RGS6: variants seen among roughly 807,000 people sequenced by gnomAD.
RGS6 encodes the protein regulator of G-protein signaling 6.
RGS6 carries 30 observed loss-of-function variants against 78.5 expected under a neutral mutation model. The ratio of observed to expected loss-of-function variants is 0.38; its 90% CI spans 0.29 to 0.52. RGS6 has a LOEUF of 0.52. RGS6 is among the 20% of genes least tolerant of loss of function. The probability of loss-of-function intolerance (pLI) is 0.85; values close to 1 mark genes in which losing one functional copy is unlikely to be tolerated. For missense variants in RGS6, 495 were observed against 609.7 expected, an observed-to-expected ratio of 0.81 and a Z score of 1.98; for synonymous variants, 206 against 206.0, an observed-to-expected ratio of 1.00 and a Z score of 0.00.
At chr14:72,017,828 T>C (rs1332341339) in intron 2 of RGS6, among the ~76,000 whole-genome samples, 2 of 152,138 alleles carry the variant, frequency 1.3e-5, no homozygotes, top group Non-Finnish European at 2.9e-5. Flanking sequence ...ATGTGCAGGT[T>C]TGTTATATAG....
At chr14:71,963,954 C>T (rs888380399) in intron 1 of RGS6, among the ~76,000 whole-genome samples, 6 of 151,808 alleles carry the variant, frequency 4.0e-5, no homozygotes, top group African/African-American at 1.5e-4. Flanking sequence ...TCAGCAGTGA[C>T]TGTGTCATTT....
chr14:72,254,705 C>G (rs147737212), intron 2 of RGS6, among the ~76,000 whole-genome samples: 1 of 152,160 alleles, frequency 6.6e-6, no homozygotes, highest in Non-Finnish European at 1.5e-5. Context: ...ATCACAGAAG[C>G]AGCAATCCCT....
rs144948001 is a variant in RGS6 at position 72,472,474 on chromosome 14, G to A, written c.537-398G>A. Among the ~76,000 whole-genome samples the A allele has an allele frequency of 3.4e-4, 52 of 152,346 alleles. 1 individual carries two copies. The East Asian group carries it at 7.7e-3, about 23-fold the overall frequency. On this transcript the variant is annotated intron_variant, in intron 8 of 17. Transcript: ENST00000553525. ...TTGAACATGGAACACTGGCAAGATG[G>A]TGGTTACATTCCATCTTATAATTTG...
chr14:71,921,530 A>G, the RGS6 span, among the ~76,000 whole-genome samples: 2 of 152,246 alleles, frequency 1.3e-5, no homozygotes, highest in Non-Finnish European at 2.9e-5. Flanking sequence ...GCCCTAACAA[A>G]GGAGATCCTG....
the RGS6 span, among the ~76,000 whole-genome samples, chr14:71,894,421 G>A: frequency 2.0e-5 from 3 of 152,170 alleles, no homozygotes; most frequent in African/African-American, 7.2e-5. Flanking sequence ...AACCCTTGTA[G>A]CAGAGCACAT....
chr14:72,184,530 A>G (rs931497188), intron 2 of RGS6, among the ~76,000 whole-genome samples: 10 of 152,160 alleles, frequency 6.6e-5, no homozygotes, highest in Non-Finnish European at 1.3e-4. Flanking sequence ...TTTCCCTGGA[A>G]TACATATTAT....
intron 2 of RGS6, among the ~76,000 whole-genome samples, chr14:72,086,631 T>G (rs1050008282): frequency 6.6e-6 from 1 of 152,222 alleles, no homozygotes; most frequent in Non-Finnish European, 1.5e-5. Context: ...ATGGAGTATC[T>G]GCTCTCTGGA....
At chr14:72,579,602 G>A in the RGS6 span, among the ~76,000 whole-genome samples, 4 of 152,160 alleles carry the variant, frequency 2.6e-5, no homozygotes, top group Non-Finnish European at 4.4e-5. Flanking sequence ...GACATCTAGT[G>A]AAAATGCCCA....
At chr14:72,209,614 A>G (rs892041075) in intron 2 of RGS6, among the ~76,000 whole-genome samples, 7 of 152,138 alleles carry the variant, frequency 4.6e-5, no homozygotes, top group Admixed American at 1.3e-4. Flanking sequence ...CCATGCTGCC[A>G]GCTTATTGTC....
the RGS6 span, among the ~76,000 whole-genome samples, chr14:71,883,315 G>C: frequency 6.6e-6 from 1 of 152,128 alleles, no homozygotes; most frequent in Non-Finnish European, 1.5e-5. Flanking sequence ...AATTGCCCCA[G>C]AGCCAGGTAT....
At chr14:72,273,367 AT>A (rs1451103198) in intron 2 of RGS6, among the ~76,000 whole-genome samples, 1 of 152,066 alleles carries the variant, frequency 6.6e-6, no homozygotes, top group Non-Finnish European at 1.5e-5. Flanking sequence ...AAGTAACTGA[AT>A]CACCTCTTCT....
At chr14:71,886,977 C>A in the RGS6 span, among the ~76,000 whole-genome samples, 1 of 152,126 alleles carries the variant, frequency 6.6e-6, no homozygotes, top group African/African-American at 2.4e-5. Flanking sequence ...TGGTGAAACC[C>A]CATCTCTACT....
chr14:72,380,669 T>G (rs1298172422), intron 3 of RGS6, among the ~76,000 whole-genome samples: 2 of 151,896 alleles, frequency 1.3e-5, no homozygotes, highest in East Asian at 3.8e-4. Context: ...AAGACAAAAA[T>G]AACAAATGCT....
intron 2 of RGS6, among the ~76,000 whole-genome samples, chr14:71,973,070 A>C (rs2093908671): frequency 6.6e-6 from 1 of 152,168 alleles, no homozygotes; most frequent in Non-Finnish European, 1.5e-5. Context: ...TAGCTCATTT[A>C]TGGCCATGCG....
intron 1 of RGS6, among the ~76,000 whole-genome samples, chr14:71,960,189 A>G (rs1385465321): frequency 6.6e-6 from 1 of 152,158 alleles, no homozygotes; most frequent in Non-Finnish European, 1.5e-5. Flanking sequence ...TGATTCACGA[A>G]TCTGTTTGTG....
intron 2 of RGS6, among the ~76,000 whole-genome samples, chr14:72,151,320 GT>G (rs2096683128): frequency 6.6e-6 from 1 of 152,216 alleles, no homozygotes; most frequent in Non-Finnish European, 1.5e-5. Context: ...GGAGAATGAA[GT>G]ATGTCAAAAA....
chr14:72,622,598 A>G, the RGS6 span, among the ~76,000 whole-genome samples: 4 of 152,164 alleles, frequency 2.6e-5, no homozygotes, highest in African/African-American at 9.7e-5. Context: ...AAAACTAGGC[A>G]TCTGAGAGTT....
At chr14:72,440,113 C>T (rs936365010) in intron 3 of RGS6, among the ~76,000 whole-genome samples, 7 of 152,188 alleles carry the variant, frequency 4.6e-5, no homozygotes, top group East Asian at 1.9e-4. Context: ...ACAGCACTTG[C>T]GCTTTGCTTT....
At chr14:72,288,849 A>AT (rs1019295306) in intron 2 of RGS6, among the ~76,000 whole-genome samples, 9 of 152,224 alleles carry the variant, frequency 5.9e-5, no homozygotes, top group African/African-American at 2.2e-4. Context: ...TCTTATGTAG[A>AT]TTTTTTAAAG....
Sources: gnomAD v4.1 joint callset for allele counts (sites outside exome capture counted in the v4.1 genomes callset) on GRCh38, gnomAD v4.1.1 for gene constraint, MANE v1.5 for transcripts, NCBI Gene and HGNC (gene_info 2026-07-23, HGNC 2026-07-21) for gene names.